FERMT1: variants seen among roughly 807,000 people sequenced by gnomAD.
FERMT1 encodes FERM domain containing kindlin 1.
FERMT1 carries 60 observed loss-of-function variants against 85.3 expected under a neutral mutation model. The ratio of observed to expected loss-of-function variants is 0.70; its 90% confidence interval spans 0.57 to 0.87. FERMT1 has a LOEUF of 0.87. Among genes scored for constraint, FERMT1 ranks in the 40% least tolerant of loss-of-function variants. FERMT1 has a pLI of 0.00. For synonymous variants in FERMT1, 275 were observed against 301.1 expected, an observed-to-expected ratio of 0.91 and a Z score of 0.90; for missense variants, 701 against 818.9, an observed-to-expected ratio of 0.86 and a Z score of 1.76.
At chr20:6,078,652 T>G (rs200444895) in intron 14 of FERMT1, among the ~76,000 whole-genome samples, 27 of 148,910 alleles carry the variant, frequency 1.8e-4, no homozygotes, top group African/African-American at 3.5e-4. Flanking sequence ...TTTTGTTTTT[T>G]TTTTTTTTAA....
chr20:6,102,683 A>G (rs1982691844), intron 6 of FERMT1, among the ~76,000 whole-genome samples: 2 of 128,090 alleles, frequency 1.6e-5, no homozygotes, highest in African/African-American at 5.6e-5. Context: ...TCTCAAGAAA[A>G]AAAAAAAAAA....
chr20:6,085,239 C>A lies in FERMT1; in HGVS notation c.1420G>T (p.Gly474Cys). The change falls in exon 12 of 15, where the codon GGC becomes TGC. Residue 474 changes from glycine to cysteine, a missense_variant. Gly to Cys is a radical substitution (Grantham distance 159). Coordinates refer to ENST00000217289, the MANE Select transcript of FERMT1 (RefSeq NM_017671.5). Reference sequence around the variant, plus strand: ...TAGGAGCTGTCTGCCATGGTTTTGCCCTTCGATGCCAACATGCAGGCAGCC... The same window carrying A: ...TAGGAGCTGTCTGCCATGGTTTTGCACTTCGATGCCAACATGCAGGCAGCC... ...WMAACMLASK[G>C]KTMADSSYQP... is the part of the protein sequence containing the mutation. 6.2e-7 allele frequency: 1 copy of A among 1,614,030 alleles called. No homozygotes were observed. The highest frequency in any genetic ancestry group is 8.5e-7 in the Non-Finnish European group (1 of 1,180,020).
chr20:6,108,440 G>C (rs894703597), intron 5 of FERMT1, among the ~76,000 whole-genome samples: 38 of 152,050 alleles, frequency 2.5e-4, no homozygotes, highest in African/African-American at 8.9e-4. Flanking sequence ...CCAATGAAGG[G>C]GCCAGGGCAG....
chr20:6,121,479 A>C (rs1983276076), intron 1 of FERMT1, among the ~76,000 whole-genome samples: 1 of 152,242 alleles, frequency 6.6e-6, no homozygotes, highest in South Asian at 2.1e-4. Context: ...CTCCCCATGC[A>C]CAGAGATCCA....
At chr20:6,109,899 T>C (rs1162239133) in intron 5 of FERMT1, among the ~76,000 whole-genome samples, 3 of 84,720 alleles carry the variant, frequency 3.5e-5, no homozygotes, top group Admixed American at 2.5e-4. Flanking sequence ...CAAAACTCCA[T>C]CTCAAAAAAA....
intron 9 of FERMT1, among the ~76,000 whole-genome samples, chr20:6,091,318 C>T (rs1389454513): frequency 1.3e-5 from 2 of 151,858 alleles, no homozygotes; most frequent in Non-Finnish European, 2.9e-5. Context: ...CAGCCTCTGT[C>T]TCTTGGGTTC....
chr20:6,084,304 C>A, intron 12 of FERMT1, 140 bp from the exon 13 acceptor site: 1 of 928,974 alleles, frequency 1.1e-6, no homozygotes, highest in South Asian at 1.4e-5. Context: ...CTCATCCATT[C>A]ATTCTCTCTC....
Position 6,107,531 on chromosome 20 carries a change from C to T in FERMT1, c.849+1G>A, listed in dbSNP as rs1042119720. On this transcript the variant is annotated splice_donor_variant, in intron 6 of 14. Transcript: ENST00000217289. LOFTEE classifies it high-confidence loss of function. ...AAGACAAAAGAGAAAAAGTTGCTTA[C>T]TTTAGGATTCAAGTCGAAGAAAGAA... 6.3e-7 allele frequency: 1 copy of T among 1,592,692 alleles called. No individual in the cohort carries two copies.
At chr20:6,122,323 A>G (rs1391758551) in intron 1 of FERMT1, among the ~76,000 whole-genome samples, 2 of 152,270 alleles carry the variant, frequency 1.3e-5, no homozygotes, top group African/African-American at 4.8e-5. Context: ...GACCAAAACA[A>G]GAAGCAAAGT....
chr20:6,096,778 G>A (rs1982509724), intron 8 of FERMT1, 124 bp downstream of exon 8: 1 of 1,005,662 alleles, frequency 9.9e-7, no homozygotes. Context: ...TAGGTGAAGA[G>A]CATCTTTTTT....
chr20:6,081,605 G>A (rs976434089), intron 13 of FERMT1, among the ~76,000 whole-genome samples: 5 of 152,126 alleles, frequency 3.3e-5, no homozygotes, highest in Non-Finnish European at 5.9e-5. Flanking sequence ...CCTAACTGGA[G>A]TGGTTTCAAG....
Position 6,075,930 on chromosome 20 carries a change from T to C in FERMT1, c.*1243A>G, listed in dbSNP as rs1427144629. The C allele has an allele frequency of 2.0e-5, 3 of 151,856 alleles. No homozygotes were observed. The allele number at this position is 151,856 out of a possible 1,614,324, so 9.4% of individuals were successfully genotyped here. ...ACCTCTAACAAACCAAAATGGAAAA[T>C]GACAATTCAGGCAGCTGTTAATTGG... On this transcript the variant is annotated 3_prime_UTR_variant, in exon 15 of 15. Transcript: ENST00000217289.
chr20:6,097,067 A>C (rs535186806), intron 7 of FERMT1, 34 bp from the exon 8 acceptor site: 1 of 1,603,646 alleles, frequency 6.2e-7, no homozygotes, highest in African/African-American at 1.3e-5. Context: ...GAAATGTTAT[A>C]AACAGAAATG....
In FERMT1 at chr20:6,099,403, C is replaced by T. The variant is rs185011776; in HGVS notation, c.850-1772G>A. Among the ~76,000 whole-genome samples the T allele has an allele frequency of 1.6e-3, 180 of 113,614 alleles. 1 individual carries two copies. The highest frequency in any genetic ancestry group is 6.0e-3 in the African/African-American group (170 of 28,234). The allele number at this position is 113,614 out of a possible 152,430, so 74.5% of individuals were successfully genotyped here. Reference sequence around the variant, plus strand: ...CTGGGCAACAAGAGTGAGACTGTCTCGAAAAAAAAAAAAAAAGGAATTAAA... The same window carrying T: ...CTGGGCAACAAGAGTGAGACTGTCTTGAAAAAAAAAAAAAAAGGAATTAAA... On this transcript the variant is annotated intron_variant, in intron 6 of 14. Coordinates refer to ENST00000217289, the MANE Select transcript of FERMT1 (RefSeq NM_017671.5).
chr20:6,110,204 C>A, intron 5 of FERMT1, 94 bp downstream of exon 5: 1 of 1,101,352 alleles, frequency 9.1e-7, no homozygotes, highest in South Asian at 1.3e-5. Context: ...AAGCACAATC[C>A]CTAGGCCTAC....
intron 13 of FERMT1, among the ~76,000 whole-genome samples, chr20:6,083,642 G>A (rs568229889): frequency 7.8e-4 from 108 of 138,288 alleles, no homozygotes; most frequent in African/African-American, 3.0e-3. Flanking sequence ...CAGCCTGGGC[G>A]GCAAAATGAG....
chr20:6,096,936 A>G lies in FERMT1; in HGVS notation c.1055T>C (p.Val352Ala). 2 of 1,614,082 alleles carry G rather than the reference A, an allele frequency of 1.2e-6. No homozygotes were observed. The highest frequency in any genetic ancestry group is 1.7e-6 in the Non-Finnish European group (2 of 1,179,956). Residue 352 changes from valine (V) to alanine (A), a missense_variant, in exon 8 of 15, where the codon GTA becomes GCA. Transcript: ENST00000217289. Reference protein sequence around the residue: ...EIEAALSNLEVTLEGGKADSL... With the variant: ...EIEAALSNLEATLEGGKADSL... ...GTCCGCTTTTCCACCTTCTAGGGTT[A>G]CTTCCAAATTAGAAAGCGCCGCTTC...
intron 8 of FERMT1, among the ~76,000 whole-genome samples, chr20:6,095,599 G>T (rs975655977): frequency 3.3e-5 from 5 of 152,168 alleles, no homozygotes; most frequent in Non-Finnish European, 5.9e-5. Context: ...CCTATTGTTA[G>T]CATCACGTAA....
At chr20:6,097,096 C>T (rs1600436356) in intron 7 of FERMT1, 63 bp from the exon 8 acceptor site, 1 of 1,517,826 alleles carries the variant, frequency 6.6e-7, no homozygotes, top group Non-Finnish European at 9.1e-7. Flanking sequence ...ATAAATGAAT[C>T]CATTAGCCAT....
Sources: gnomAD v4.1 joint callset for allele counts (sites outside exome capture counted in the v4.1 genomes callset) on GRCh38, gnomAD v4.1.1 for gene constraint, MANE v1.5 for transcripts, NCBI Gene and HGNC (gene_info 2026-07-23, HGNC 2026-07-21) for gene names.